Variants in AOPEP observed in about 807,000 individuals in gnomAD.
AOPEP encodes the protein aminopeptidase O (putative).
A neutral mutation model predicts 98.1 loss-of-function variants in AOPEP; 77 were observed. The observed-to-expected ratio is 0.78, with a 90% CI of 0.65 to 0.95. The LOEUF (loss-of-function observed/expected upper bound fraction) is 0.95, where lower values mean the gene tolerates loss of function less well. Ranked by LOEUF, AOPEP falls within the 40% of genes least tolerant of loss-of-function variation. The pLI, the probability that AOPEP is intolerant of heterozygous loss-of-function variation, is 0.00. For missense variants in AOPEP, 1,024 were observed against 1,024.7 expected, an observed-to-expected ratio of 1.00 and a Z score of 0.01; for synonymous variants, 346 against 365.3, an observed-to-expected ratio of 0.95 and a Z score of 0.60.
chr9:95,090,542 G>GC (rs1260869157), downstream of AOPEP, among the ~76,000 whole-genome samples: 598 of 151,810 alleles, frequency 3.9e-3, 8 homozygotes, highest in African/African-American at 0.014. Context: ...AGCCCAGAGG[G>GC]CCCCCCCTTC....
In AOPEP at chr9:94,971,845, T is replaced by G. The variant is rs543511172; in HGVS notation, c.1916+4044T>G. 2.0e-5 allele frequency among the ~76,000 whole-genome samples: 3 copies of G among 152,280 alleles called. No individual in the cohort carries two copies. The South Asian group carries it at 6.2e-4, about 32-fold the overall frequency. On this transcript the variant is annotated intron_variant, in intron 10 of 16. Coordinates refer to ENST00000375315, the MANE Select transcript of AOPEP (RefSeq NM_001193329.3). Reference sequence around the variant, plus strand: ...ACAGAAACAAGTCATTATGACTCCATGTAGGAAGTGCTCTGCTGAGGTTCA... The same window carrying G: ...ACAGAAACAAGTCATTATGACTCCAGGTAGGAAGTGCTCTGCTGAGGTTCA...
chr9:94,876,532 A>G (rs1485172894), intron 5 of AOPEP, among the ~76,000 whole-genome samples: 1 of 151,766 alleles, frequency 6.6e-6, no homozygotes, highest in Non-Finnish European at 1.5e-5. Context: ...CACCTGGCTA[A>G]TTTTTTGTAT....
intron 1 of AOPEP, among the ~76,000 whole-genome samples, chr9:94,745,997 C>CA (rs1226043416): frequency 6.6e-6 from 1 of 152,238 alleles, no homozygotes; most frequent in African/African-American, 2.4e-5. Flanking sequence ...CAATGTACGA[C>CA]AGGGGTTCCC....
intron 2 of AOPEP, among the ~76,000 whole-genome samples, chr9:94,761,301 A>G (rs368138): frequency 0.68 from 103,090 of 152,038 alleles, 35,835 homozygotes; most frequent in African/African-American, 0.83. Context: ...TGCTCTAACA[A>G]TTGTTCAGAT....
At chr9:95,128,427 G>T in the AOPEP span, among the ~76,000 whole-genome samples, 2 of 152,184 alleles carry the variant, frequency 1.3e-5, no homozygotes, top group African/African-American at 4.8e-5. Context: ...ACTTGAAAAT[G>T]GTAAAATTAA....
At chr9:94,976,625 A>T (rs180750279) in intron 10 of AOPEP, among the ~76,000 whole-genome samples, 5 of 150,044 alleles carry the variant, frequency 3.3e-5, no homozygotes, top group African/African-American at 1.2e-4. Flanking sequence ...GGAAAGGTGG[A>T]GACTTGTTTT....
At chr9:94,834,162 A>G (rs964826073) in intron 5 of AOPEP, among the ~76,000 whole-genome samples, 4 of 152,348 alleles carry the variant, frequency 2.6e-5, no homozygotes, top group Middle Eastern at 6.8e-3. Flanking sequence ...ACCAATTTAC[A>G]GGAAGTACAG....
chr9:95,055,941 A>G (rs1010086820), intron 13 of AOPEP, among the ~76,000 whole-genome samples: 1 of 152,154 alleles, frequency 6.6e-6, no homozygotes, highest in Non-Finnish European at 1.5e-5. Context: ...ACATAGACAA[A>G]TATAGCAGAG....
At chr9:95,028,160 T>C (rs1325819784) in intron 13 of AOPEP, among the ~76,000 whole-genome samples, 1 of 152,206 alleles carries the variant, frequency 6.6e-6, no homozygotes, top group Non-Finnish European at 1.5e-5. Context: ...AGGAAAATAG[T>C]GACAGAGATG....
At chr9:94,924,831 A>G (rs1471629778) in intron 6 of AOPEP, among the ~76,000 whole-genome samples, 2 of 152,224 alleles carry the variant, frequency 1.3e-5, no homozygotes, top group African/African-American at 2.4e-5. Flanking sequence ...TGTGAAGTTT[A>G]CTAATTTAAA....
intron 5 of AOPEP, among the ~76,000 whole-genome samples, chr9:94,840,250 A>G (rs2134776169): frequency 6.6e-6 from 1 of 152,336 alleles, no homozygotes; most frequent in Non-Finnish European, 1.5e-5. Flanking sequence ...ATTAATTGAC[A>G]GGATCTATGA....
chr9:94,909,936 G>C (rs1169250622), intron 5 of AOPEP, among the ~76,000 whole-genome samples: 1 of 152,090 alleles, frequency 6.6e-6, no homozygotes, highest in Non-Finnish European at 1.5e-5. Context: ...GGGCCTCTAA[G>C]AGCCCTTCTG....
chr9:95,035,007 C>A (rs2064667119), intron 13 of AOPEP, among the ~76,000 whole-genome samples: 1 of 144,812 alleles, frequency 6.9e-6, no homozygotes, highest in Non-Finnish European at 1.5e-5. Flanking sequence ...CTTTTAAGTT[C>A]TAGGATACAT....
intron 1 of AOPEP, among the ~76,000 whole-genome samples, chr9:94,727,194 C>T (rs1169267151): frequency 6.6e-6 from 1 of 152,222 alleles, no homozygotes; most frequent in Non-Finnish European, 1.5e-5. Context: ...CTCTTCTTCC[C>T]CCGGAGGATC....
In AOPEP at chr9:94,922,822, G is replaced by A. The variant is rs578242657; in HGVS notation, c.1365-1164G>A. ...TTATTACTTCACATGAAAGCTGTCT[G>A]TTTTGGCAGACATGACTACCATGAT... On this transcript the variant is annotated intron_variant, in intron 5 of 16. Transcript: ENST00000375315. Among the ~76,000 whole-genome samples the A allele has an allele frequency of 7.2e-5, 11 of 152,294 alleles. No homozygotes were observed. In the South Asian group the frequency reaches 2.1e-3, roughly 29 times the overall value.
intron 5 of AOPEP, among the ~76,000 whole-genome samples, chr9:94,843,203 G>T (rs1038633789): frequency 6.6e-6 from 1 of 152,094 alleles, no homozygotes; most frequent in African/African-American, 2.4e-5. Flanking sequence ...GTGCTCCAGG[G>T]TTTCTCAGGC....
intron 5 of AOPEP, among the ~76,000 whole-genome samples, chr9:94,805,705 G>A (rs1849121645): frequency 6.6e-6 from 1 of 152,124 alleles, no homozygotes; most frequent in African/African-American, 2.4e-5. Flanking sequence ...ACTATTGCAT[G>A]CACAATTTTC....
At chr9:94,823,099 T>G (rs1853639902) in intron 5 of AOPEP, among the ~76,000 whole-genome samples, 1 of 152,096 alleles carries the variant, frequency 6.6e-6, no homozygotes. Context: ...TGGGTTCAAG[T>G]GATTCTCCTG....
At chr9:95,038,219 A>G (rs2064998925) in intron 13 of AOPEP, among the ~76,000 whole-genome samples, 1 of 152,220 alleles carries the variant, frequency 6.6e-6, no homozygotes, top group African/African-American at 2.4e-5. Context: ...TGATATAACT[A>G]AACCAAACTC....
Sources: allele counts gnomAD v4.1 joint callset (sites outside exome capture counted in the v4.1 genomes callset), GRCh38; gene constraint gnomAD v4.1.1; transcripts MANE v1.5; gene names NCBI Gene and HGNC (gene_info 2026-07-23, HGNC 2026-07-21).